Variants in CPEB3 observed in about 807,000 individuals in gnomAD.
CPEB3 encodes the protein cytoplasmic polyadenylation element-binding protein 3.
In CPEB3, 20 loss-of-function variants were observed where a neutral mutation model predicts 67.2. That is an observed-to-expected ratio of 0.30 (90% CI 0.21 to 0.43). CPEB3 has a LOEUF of 0.43. Among genes scored for constraint, CPEB3 ranks in the 20% least tolerant of loss-of-function variants. The pLI is 1.00. For synonymous variants in CPEB3, 376 were observed against 393.1 expected, an observed-to-expected ratio of 0.96 and a Z score of 0.51; for missense variants, 746 against 968.6, an observed-to-expected ratio of 0.77 and a Z score of 3.05.
At chr10:92,084,560 C>T (rs1360547500) in intron 8 of CPEB3, among the ~76,000 whole-genome samples, 1 of 152,018 alleles carries the variant, frequency 6.6e-6, no homozygotes, top group African/African-American at 2.4e-5. Flanking sequence ...CTACCCTCAT[C>T]TGTATTTTAT....
At chr10:92,181,348 T>C (rs1186329338) in intron 3 of CPEB3, among the ~76,000 whole-genome samples, 12 of 141,662 alleles carry the variant, frequency 8.5e-5, no homozygotes, top group Admixed American at 6.6e-4. Flanking sequence ...CCATTTATAC[T>C]GTCCTTCCAT....
intron 1 of CPEB3, among the ~76,000 whole-genome samples, chr10:92,277,783 C>T (rs1842056432): frequency 6.6e-6 from 1 of 151,718 alleles, no homozygotes; most frequent in Non-Finnish European, 1.5e-5. Flanking sequence ...CCCAGCTACT[C>T]GGGAGGCTGA....
Position 92,288,454 on chromosome 10 carries a change from CAAAA to C in CPEB3, c.-12+2468_-12+2471del, listed in dbSNP as rs367876455. Among the ~76,000 whole-genome samples the C allele has an allele frequency of 2.7e-5, 3 of 112,994 alleles. No individual in the cohort carries two copies. The East Asian group carries it at 8.0e-4, about 30-fold the overall frequency. 74.1% of individuals were successfully genotyped at this position (112,994 alleles called of 152,430 possible). A position where few individuals can be genotyped will look rare whatever the true frequency, so the allele number is the denominator to read the frequency against. On this transcript the variant is annotated intron_variant, in intron 1 of 9. Transcript: ENST00000265997. ...TGGATGACAAAGCGAGACTCTGTCT[CAAAA>C]AAAAAAAAAAAAAACCCAGAATAAT... is the stretch of plus-strand genomic sequence containing the variant.
In CPEB3 at chr10:92,236,746, T is replaced by TCACA. The variant is rs3047561; in HGVS notation, c.1005+2596_1005+2599dup. ...CCTGAGCAACAAAAGTGAAACATTG[T>TCACA]CACACACACACACACACACATAAAA... On this transcript the variant is annotated intron_variant, in intron 2 of 9. Coordinates refer to ENST00000265997, the MANE Select transcript of CPEB3 (RefSeq NM_014912.5). Among the ~76,000 whole-genome samples the TCACA allele has an allele frequency of 8.7e-3, 1,311 of 150,734 alleles. 15 individuals carry two copies. Among genetic ancestry groups the TCACA allele is most frequent in the African/African-American group, 0.03 (1,237 of 41,052 alleles).
chr10:92,220,596 C>A (rs911090442), intron 2 of CPEB3, among the ~76,000 whole-genome samples: 2 of 148,268 alleles, frequency 1.3e-5, no homozygotes, highest in Non-Finnish European at 3.0e-5. Context: ...AAAAAAAAAC[C>A]TCCTTCCAAA....
intron 7 of CPEB3, among the ~76,000 whole-genome samples, chr10:92,101,200 C>A (rs1406495791): frequency 6.6e-6 from 1 of 152,106 alleles, no homozygotes; most frequent in South Asian, 2.1e-4. Flanking sequence ...GACCAAAGAC[C>A]CCCTCAAAGC....
chr10:92,196,678 G>A (rs565772090), intron 2 of CPEB3, among the ~76,000 whole-genome samples: 1 of 151,860 alleles, frequency 6.6e-6, no homozygotes, highest in South Asian at 2.1e-4. Context: ...TGAGGCAGGA[G>A]AATCGCTTGA....
At chr10:92,275,262 C>T (rs1045874071) in intron 1 of CPEB3, among the ~76,000 whole-genome samples, 1 of 152,164 alleles carries the variant, frequency 6.6e-6, no homozygotes, top group East Asian at 1.9e-4. Flanking sequence ...ACCCATCAGA[C>T]GCCTGTAACA....
At chr10:92,257,728 C>CTTT (rs11418720) in intron 1 of CPEB3, among the ~76,000 whole-genome samples, 16 of 130,724 alleles carry the variant, frequency 1.2e-4, no homozygotes, top group African/African-American at 3.5e-4. Context: ...GACCTCAACT[C>CTTT]TTTTTTTTTT....
intron 2 of CPEB3, among the ~76,000 whole-genome samples, chr10:92,234,498 C>G (rs1210274015): frequency 6.6e-6 from 1 of 152,106 alleles, no homozygotes; most frequent in Non-Finnish European, 1.5e-5. Context: ...CTACACTGCA[C>G]TATTAAGCGA....
At chr10:92,212,215 T>A (rs1850130320) in intron 2 of CPEB3, among the ~76,000 whole-genome samples, 1 of 150,196 alleles carries the variant, frequency 6.7e-6, no homozygotes, top group Non-Finnish European at 1.5e-5. Context: ...AAATTCTTTT[T>A]TTTTTTTTTT....
At chr10:92,155,705 C>T (rs887774810) in intron 4 of CPEB3, among the ~76,000 whole-genome samples, 1 of 152,182 alleles carries the variant, frequency 6.6e-6, no homozygotes, top group African/African-American at 2.4e-5. Flanking sequence ...TCATTCTCTT[C>T]TTCATTTACA....
Position 92,189,195 on chromosome 10 carries a change from T to C in CPEB3, c.1165+3282A>G, listed in dbSNP as rs769427332. Reference sequence around the variant, plus strand: ...TTTTTTACATCATTCAGATTTACAATTGGAAAACCAAAATAACCAAAAAAT... The same window carrying C: ...TTTTTTACATCATTCAGATTTACAACTGGAAAACCAAAATAACCAAAAAAT... On this transcript the variant is annotated intron_variant, in intron 3 of 9. Transcript: ENST00000265997. Among the ~76,000 whole-genome samples the C allele has an allele frequency of 2.6e-5, 4 of 152,206 alleles. No individual in the cohort carries two copies. In the South Asian group the frequency reaches 6.2e-4, roughly 24 times the overall value.
intron 2 of CPEB3, chr10:92,216,194 T>A (rs1455076341): frequency 1.4e-6 from 1 of 697,242 alleles, no homozygotes; most frequent in South Asian, 1.9e-5. Context: ...TCCCAGCACT[T>A]TGGGAGGCCG....
At chr10:92,257,588 C>T (rs1564913279) in intron 1 of CPEB3, among the ~76,000 whole-genome samples, 1 of 152,096 alleles carries the variant, frequency 6.6e-6, no homozygotes, top group Non-Finnish European at 1.5e-5. Flanking sequence ...AACCACCTTG[C>T]CAACAAATTG....
intron 2 of CPEB3, among the ~76,000 whole-genome samples, chr10:92,220,830 A>G (rs1402279044): frequency 6.6e-6 from 1 of 152,218 alleles, no homozygotes; most frequent in Non-Finnish European, 1.5e-5. Context: ...TCTAGCCTGT[A>G]AGTAGTAGAT....
chr10:92,275,120 G>T (rs1841920627), intron 1 of CPEB3, among the ~76,000 whole-genome samples: 1 of 152,170 alleles, frequency 6.6e-6, no homozygotes, highest in African/African-American at 2.4e-5. Context: ...TCCTTCCAAT[G>T]AATTTCCTTT....
chr10:92,119,091 C>T (rs1443183698), intron 6 of CPEB3: 3 of 1,583,920 alleles, frequency 1.9e-6, no homozygotes, highest in East Asian at 4.5e-5. Context: ...CTGAAGATTC[C>T]CCAGCTATAC....
intron 6 of CPEB3, among the ~76,000 whole-genome samples, chr10:92,117,098 C>T (rs930730359): frequency 2.0e-5 from 3 of 151,998 alleles, no homozygotes; most frequent in African/African-American, 7.3e-5. Flanking sequence ...GATCTCAGCT[C>T]ACTGCAACCT....
Sources: allele counts gnomAD v4.1 joint callset (sites outside exome capture counted in the v4.1 genomes callset), GRCh38; gene constraint gnomAD v4.1.1; transcripts MANE v1.5; gene names NCBI Gene and HGNC (gene_info 2026-07-23, HGNC 2026-07-21).